Variants in CEP170B observed in about 807,000 individuals in gnomAD.
CEP170B encodes centrosomal protein 170B, also known as centrosomal protein of 170 kDa protein B.
In CEP170B, 55 loss-of-function variants were observed where a neutral mutation model predicts 120.6. The observed-to-expected ratio is 0.46, with a 90% CI of 0.37 to 0.57. The LOEUF (loss-of-function observed/expected upper bound fraction) is 0.57. CEP170B is among the 20% of genes least tolerant of loss of function. The probability of loss-of-function intolerance (pLI) is 0.00; values close to 1 mark genes in which losing one functional copy is unlikely to be tolerated. For missense variants in CEP170B, 2,212 were observed against 2,253.3 expected, an observed-to-expected ratio of 0.98 and a Z score of 0.37; for synonymous variants, 1,033 against 954.5, an observed-to-expected ratio of 1.08 and a Z score of -1.52.
chr14:104,878,543 C>T (rs777402414), intron 5 of CEP170B, 42 bp downstream of exon 5: 6 of 1,589,050 alleles, frequency 3.8e-6, no homozygotes, highest in Non-Finnish European at 5.1e-6. Flanking sequence ...CACGAGGGCT[C>T]AGCCCCCCAT....
chr14:104,876,384 C>A, intron 3 of CEP170B, 39 bp downstream of exon 3: 1 of 1,537,604 alleles, frequency 6.5e-7, no homozygotes, highest in Non-Finnish European at 8.8e-7. Flanking sequence ...TTTAACAGCT[C>A]GACCCTTCAG....
Position 104,886,885 on chromosome 14 carries a change from G to A in CEP170B, c.2646G>A (p.Lys882=), listed in dbSNP as rs747399698. 1.9e-6 allele frequency: 3 copies of A among 1,610,336 alleles called. No homozygotes were observed. In the East Asian group the frequency reaches 6.7e-5, roughly 36 times the overall value. The change falls in exon 12 of 19, where the codon AAG becomes AAA. Residue 882 remains lysine, a synonymous_variant. Coordinates refer to ENST00000414716, the MANE Select transcript of CEP170B (RefSeq NM_001112726.3). ...CCAGTGGTCCCCCAGCGCCCGGCAA[G>A]CCCCCCCACATCTCCAGCCACCCGC... ...EPASGPPAPG[K]PPHISSHPLL...
In CEP170B at chr14:104,891,291, G is replaced by C. The variant is rs1053612429; in HGVS notation, c.3878+1533G>C. Among the ~76,000 whole-genome samples, 2 of 152,154 alleles carry C rather than the reference G, an allele frequency of 1.3e-5. No homozygotes were observed. The highest frequency in any genetic ancestry group is 4.8e-5 in the African/African-American group (2 of 41,404). ...TGAGAGTGGTCTTTGCCAAGCAGTG[G>C]TCAGTACTGCAAAGGCAGTCCCTGA... On this transcript the variant is annotated intron_variant, in intron 13 of 18. Coordinates refer to ENST00000414716, the MANE Select transcript of CEP170B (RefSeq NM_001112726.3). The surrounding 1 kb of genome is among the most constrained non-coding windows in gnomAD (Gnocchi z 4.3).
At position 104,883,089 on chromosome 14, in the gene CEP170B, C is replaced by T; in HGVS notation, c.632C>T (p.Pro211Leu). ...QDGELHGFRAPAEPQGCSFRR... is the reference protein window; with the variant it reads ...QDGELHGFRALAEPQGCSFRR... ...GGGGAGCTCCACGGCTTCCGCGCCC[C>T]TGCTGAGCCTCAGGGCTGCTCGTTC... Residue 211 changes from proline to leucine, a missense_variant, in exon 8 of 19, where the codon CCT becomes CTT. Around this residue, in one of 2 missense-constraint regions of CEP170B, gnomAD observed 2,166 missense variants for 2,166.7 expected, o/e 1.00. Coordinates refer to ENST00000414716, the MANE Select transcript of CEP170B (RefSeq NM_001112726.3). The T allele has an allele frequency of 6.3e-7, 1 of 1,574,984 alleles. No homozygotes were observed.
In CEP170B at chr14:104,894,311, C is replaced by A; in HGVS notation, c.4298C>A (p.Ala1433Asp). Residue 1433 changes from alanine to aspartate, a missense_variant, in exon 17 of 19, where the codon GCT (alanine) becomes GAT (aspartate). Physicochemically the swap from Ala to Asp is moderately radical, Grantham distance 126 (BLOSUM62 -2). Coordinates refer to ENST00000414716, the MANE Select transcript of CEP170B (RefSeq NM_001112726.3). ...MKILFQNTGR[A>D]WEDLEARINA... ...ATCCTCTTTCAGAACACAGGGAGAG[C>A]TTGGGAGGACCTGGAAGCCAGGATC... 1 of 1,613,556 alleles carries A rather than the reference C, an allele frequency of 6.2e-7. No individual in the cohort carries two copies. The highest frequency in any genetic ancestry group is 8.5e-7 in the Non-Finnish European group (1 of 1,179,786).
Position 104,887,136 on chromosome 14 carries a change from G to A in CEP170B, c.2897G>A (p.Ser966Asn). 2 of 1,610,266 alleles carry A rather than the reference G, an allele frequency of 1.2e-6. No homozygotes were observed. The highest frequency in any genetic ancestry group is 1.7e-6 in the Non-Finnish European group (2 of 1,179,740). ...VDTASTVSLRSGKSGPSPTTP... is the reference protein window; with the variant it reads ...VDTASTVSLRNGKSGPSPTTP... The stretch of plus-strand genomic sequence containing the variant: ...ACAGCCAGCACCGTCAGCCTGCGTA[G>A]TGGCAAGAGCGGGCCCAGCCCCACA... Residue 966 changes from serine (S) to asparagine (N), a missense_variant, in exon 12 of 19, where the codon AGT becomes AAT. Transcript: ENST00000414716.
In CEP170B at chr14:104,884,093, A is replaced by G. The variant is rs573383969; in HGVS notation, c.1314A>G (p.Pro438=). 2.5e-6 allele frequency: 4 copies of G among 1,589,618 alleles called. No individual in the cohort carries two copies. In the East Asian group the frequency reaches 6.8e-5, roughly 27 times the overall value. The change falls in exon 9 of 19, where the codon CCA becomes CCG. Residue 438 remains proline (P), a synonymous_variant. Coordinates refer to ENST00000414716, the MANE Select transcript of CEP170B (RefSeq NM_001112726.3). ...CCAAGGCCGACAAGCGCCGTGGCCCAACGCCGGCCGATAGGGACCGCCCCA... is the reference window on the plus strand; with the variant it reads ...CCAAGGCCGACAAGCGCCGTGGCCCGACGCCGGCCGATAGGGACCGCCCCA... ...GDPKADKRRG[P]TPADRDRPSV...
In CEP170B at chr14:104,886,115, G is replaced by T; in HGVS notation, c.2020G>T (p.Asp674Tyr). ...GGCCAGCCTGGCTGACAGCTACTCA[G>T]ACCCGGGCCTCACAGGTAAGTGGCT... is the stretch of plus-strand genomic sequence containing the variant. ...RWASLADSYS[D>Y]PGLTEDGLGR... The change falls in exon 11 of 19, where the codon GAC becomes TAC. Residue 674 changes from aspartate (D) to tyrosine (Y), a missense_variant. By Grantham distance (160) the Asp-to-Tyr change is radical. Around this residue, in one of 2 missense-constraint regions of CEP170B, gnomAD observed 2,166 missense variants for 2,166.7 expected, o/e 1.00. Transcript: ENST00000414716. 6.5e-7 allele frequency: 1 copy of T among 1,542,644 alleles called. No individual in the cohort carries two copies. Among genetic ancestry groups the T allele is most frequent in the Non-Finnish European group, 8.7e-7 (1 of 1,145,020 alleles).
chr14:104,886,429 T>G lies in CEP170B; in HGVS notation c.2190T>G (p.Ser730Arg). ...RSGPGPPELD[S>R]EQPSRLFGQE... is the part of the protein sequence containing the mutation. ...GGCCTGGGCCACCGGAGCTGGACAG[T>G]GAGCAGCCCAGCCGCCTCTTCGGCC... The change falls in exon 12 of 19, where the codon AGT becomes AGG. Residue 730 changes from serine (S) to arginine (R), a missense_variant. This residue lies in a region of CEP170B where 2,166 missense variants were observed against 2,166.7 expected (regional missense o/e 1.00). Transcript: ENST00000414716. 6.3e-7 allele frequency: 1 copy of G among 1,578,206 alleles called. No individual in the cohort carries two copies. Among genetic ancestry groups the G allele is most frequent in the Non-Finnish European group, 8.6e-7 (1 of 1,163,602 alleles).
intron 9 of CEP170B, 94 bp from the exon 10 acceptor site, chr14:104,885,275 C>G: frequency 1.4e-6 from 2 of 1,379,904 alleles, no homozygotes; most frequent in Non-Finnish European, 1.9e-6. Context: ...CAGGTCCCTG[C>G]TCTCCCTGTG....
intron 3 of CEP170B, among the ~76,000 whole-genome samples, chr14:104,876,654 C>T (rs1025732173): frequency 1.3e-5 from 2 of 152,326 alleles, no homozygotes; most frequent in African/African-American, 4.8e-5. Context: ...CAGAGGCCCC[C>T]AGGCCTCCCC....
chr14:104,878,017 C>CTGCCCCTG, intron 4 of CEP170B, 54 bp downstream of exon 4: 1 of 1,373,330 alleles, frequency 7.3e-7, no homozygotes, highest in Non-Finnish European at 1.0e-6. Context: ...TCCCCAGGAC[C>CTGCCCCTG]ACAGTCACCC....
At position 104,885,691 on chromosome 14, in the gene CEP170B, T is replaced by C. The variant is rs964425871; in HGVS notation, c.1944+149T>C. The C allele has an allele frequency of 7.0e-6, 8 of 1,142,952 alleles. No homozygotes were observed. In the East Asian group the frequency reaches 1.3e-4, roughly 19 times the overall value. 70.8% of individuals were successfully genotyped at this position (1,142,952 alleles called of 1,614,324 possible). On this transcript the variant is annotated intron_variant, in intron 10 of 18. Coordinates refer to ENST00000414716, the MANE Select transcript of CEP170B (RefSeq NM_001112726.3). ...AGAGGAGGGTGGGCTGGGGCTTCCATGAGGAGGGATCGGGGCCAGGTGTCA... is the reference window on the plus strand; with the variant it reads ...AGAGGAGGGTGGGCTGGGGCTTCCACGAGGAGGGATCGGGGCCAGGTGTCA...
Position 104,886,312 on chromosome 14 carries a change from G to A in CEP170B, c.2073G>A (p.Gly691=), listed in dbSNP as rs1411980728. The A allele has an allele frequency of 1.9e-6, 3 of 1,547,398 alleles. No individual in the cohort carries two copies. Among genetic ancestry groups the A allele is most frequent in the Non-Finnish European group, 8.7e-7 (1 of 1,151,648 alleles). ...GLGRRGGEPE[G]SLPVRMRRRL... is the part of the protein sequence containing the mutation. ...GACGTAGAGGCGGGGAGCCGGAGGG[G>A]TCCCTGCCTGTGCGCATGCGGCGAC... Residue 691 remains glycine (G), a synonymous_variant, in exon 12 of 19, where the codon GGG becomes GGA. Transcript: ENST00000414716.
Position 104,886,943 on chromosome 14 carries a change from C to T in CEP170B, c.2704C>T (p.Arg902Cys), listed in dbSNP as rs376817889. ...LQDLAATRAA[R>C]MDFHSQDTHL... ...GGACCTGGCCGCTACCCGGGCCGCA[C>T]GCATGGACTTCCACTCCCAGGACAC... is the stretch of plus-strand genomic sequence containing the variant. The change falls in exon 12 of 19, where the codon CGC becomes TGC. Residue 902 changes from arginine (R) to cysteine (C), a missense_variant. Around this residue, in one of 2 missense-constraint regions of CEP170B, gnomAD observed 2,166 missense variants for 2,166.7 expected, o/e 1.00. Coordinates refer to ENST00000414716, the MANE Select transcript of CEP170B (RefSeq NM_001112726.3). 9 of 1,608,868 alleles carry T rather than the reference C, an allele frequency of 5.6e-6. No homozygotes were observed. The highest frequency in any genetic ancestry group is 5.0e-5 in the Admixed American group (3 of 60,026).
chr14:104,889,820 C>T (rs1896700528), intron 13 of CEP170B, 62 bp downstream of exon 13: 6 of 1,539,996 alleles, frequency 3.9e-6, no homozygotes, highest in African/African-American at 2.8e-5. Context: ...GTGAGAGCAC[C>T]CTGAGGGCAG....
At chr14:104,884,950 G>T (rs1240165003) in intron 9 of CEP170B, among the ~76,000 whole-genome samples, 1 of 112,106 alleles carries the variant, frequency 8.9e-6, no homozygotes, top group Admixed American at 8.7e-5. Flanking sequence ...TGGGGAACGG[G>T]GGGTGGAGGC....
chr14:104,881,051 G>A (rs1260412679), intron 6 of CEP170B, among the ~76,000 whole-genome samples: 1 of 152,198 alleles, frequency 6.6e-6, no homozygotes, highest in African/African-American at 2.4e-5. Flanking sequence ...GGTGATGGGG[G>A]GGTGAGGCTA....
chr14:104,891,016 T>G lies in CEP170B; in HGVS notation c.3878+1258T>G. On this transcript the variant is annotated intron_variant, in intron 13 of 18. Coordinates refer to ENST00000414716, the MANE Select transcript of CEP170B (RefSeq NM_001112726.3). This position sits in a 1 kb window ranked among gnomAD's most constrained non-coding sequence, Gnocchi z 4.3. ...GGGTGGGTGTGGATGGATGGATGAG[T>G]GGGTGGGTGGATGGATGGATGGATG... Among the ~76,000 whole-genome samples, 4 of 103,454 alleles carry G rather than the reference T, an allele frequency of 3.9e-5. No individual in the cohort carries two copies. The highest frequency in any genetic ancestry group is 4.1e-5 in the African/African-American group (1 of 24,682). 67.9% of individuals were successfully genotyped at this position (103,454 alleles called of 152,430 possible).
Sources: gnomAD v4.1 joint callset for allele counts (sites outside exome capture counted in the v4.1 genomes callset) on GRCh38, gnomAD v4.1.1 for gene constraint, gnomAD v4.1.1 regional missense constraint, Gnocchi (gnomAD v3.1) non-coding constraint, MANE v1.5 for transcripts, NCBI Gene and HGNC (gene_info 2026-07-23, HGNC 2026-07-21) for gene names.